Variants in SLIT3 observed in about 807,000 individuals in gnomAD.
SLIT3 encodes slit guidance ligand 3, also known as slit homolog 3 protein.
Under a neutral mutation model 184.0 loss-of-function variants are expected in SLIT3, and 68 were observed. The ratio of observed to expected loss-of-function variants is 0.37; its 90% CI spans 0.30 to 0.45. The LOEUF is 0.45. Among genes scored for constraint, SLIT3 ranks in the 20% least tolerant of loss-of-function variants. SLIT3 has a pLI of 1.00. For missense variants in SLIT3, 1,707 were observed against 2,026.0 expected, an observed-to-expected ratio of 0.84 and a Z score of 3.02; for synonymous variants, 831 against 828.6, an observed-to-expected ratio of 1.00 and a Z score of -0.05.
intron 4 of SLIT3, among the ~76,000 whole-genome samples, chr5:169,022,495 C>A (rs544140246): frequency 2.0e-5 from 3 of 152,176 alleles, no homozygotes; most frequent in Non-Finnish European, 4.4e-5. Context: ...GAAACTGTTA[C>A]AAACAATAAA....
At chr5:168,845,566 A>G (rs1758430085) in intron 5 of SLIT3, among the ~76,000 whole-genome samples, 2 of 152,156 alleles carry the variant, frequency 1.3e-5, no homozygotes, top group Admixed American at 1.3e-4. Flanking sequence ...CTTGACTAAT[A>G]TACATTCTAG....
At chr5:168,728,936 C>CA (rs532015839) in intron 20 of SLIT3, among the ~76,000 whole-genome samples, 28,803 of 140,278 alleles carry the variant, frequency 0.21, 2,918 homozygotes, top group Non-Finnish European at 0.23. Flanking sequence ...ACCAAAGAAA[C>CA]AAAAAAAAAA....
chr5:168,749,338 G>A (rs1195345835), intron 19 of SLIT3, 134 bp downstream of exon 19: 14 of 981,416 alleles, frequency 1.4e-5, no homozygotes, highest in Middle Eastern at 3.2e-4. Context: ...GATCTGCAGA[G>A]CTCTCCAGAG....
chr5:169,154,072 A>G (rs1283183058), intron 4 of SLIT3, among the ~76,000 whole-genome samples: 1 of 150,280 alleles, frequency 6.7e-6, no homozygotes, highest in Non-Finnish European at 1.5e-5. Flanking sequence ...TCCTGGGTTC[A>G]CGCCATTCTC....
At chr5:169,064,252 GAACA>G (rs980863050) in intron 4 of SLIT3, among the ~76,000 whole-genome samples, 7 of 152,200 alleles carry the variant, frequency 4.6e-5, no homozygotes, top group Admixed American at 2.0e-4. Flanking sequence ...GCAAGGGACA[GAACA>G]AACATTCTTT....
At chr5:168,800,048 T>G (rs1196347236) in intron 9 of SLIT3, among the ~76,000 whole-genome samples, 2 of 152,156 alleles carry the variant, frequency 1.3e-5, no homozygotes, top group Non-Finnish European at 2.9e-5. Flanking sequence ...GAACTCTTGT[T>G]AGGATGTCCA....
At chr5:168,919,108 A>G (rs1761540909) in intron 4 of SLIT3, among the ~76,000 whole-genome samples, 1 of 152,026 alleles carries the variant, frequency 6.6e-6, no homozygotes, top group African/African-American at 2.4e-5. Context: ...AAAGTACAAA[A>G]AACTAGCCAA....
chr5:168,829,131 C>T (rs1490672232), intron 6 of SLIT3, among the ~76,000 whole-genome samples: 1 of 152,168 alleles, frequency 6.6e-6, no homozygotes, highest in Non-Finnish European at 1.5e-5. Flanking sequence ...GGAGACACGT[C>T]CAGCTGCAGC....
At chr5:168,711,871 G>A (rs748873866) in intron 24 of SLIT3, among the ~76,000 whole-genome samples, 1 of 152,156 alleles carries the variant, frequency 6.6e-6, no homozygotes, top group African/African-American at 2.4e-5. Flanking sequence ...AGTGCAAAGT[G>A]GTTAAGAATA....
intron 4 of SLIT3, among the ~76,000 whole-genome samples, chr5:169,044,052 G>T (rs1757538157): frequency 6.6e-6 from 1 of 152,152 alleles, no homozygotes; most frequent in South Asian, 2.1e-4. Context: ...GTAGATAAAG[G>T]CTAAAGTGGC....
chr5:168,822,660 C>A (rs754939921), intron 7 of SLIT3, among the ~76,000 whole-genome samples: 7 of 152,152 alleles, frequency 4.6e-5, no homozygotes, highest in African/African-American at 1.2e-4. Flanking sequence ...CCTGAGTATG[C>A]ACCCTGGAAA....
chr5:169,130,174 T>C (rs1581439332), intron 4 of SLIT3, among the ~76,000 whole-genome samples: 2 of 152,170 alleles, frequency 1.3e-5, no homozygotes, highest in Non-Finnish European at 2.9e-5. Context: ...AAATGTACCA[T>C]AGTAATGTAA....
At chr5:168,804,948 G>A (rs12520756) in intron 9 of SLIT3, among the ~76,000 whole-genome samples, 3 of 152,078 alleles carry the variant, frequency 2.0e-5, no homozygotes, top group African/African-American at 4.8e-5. Flanking sequence ...CCACTCCAGC[G>A]TCAGGGCCTT....
chr5:168,705,492 C>T (rs1386826019), intron 26 of SLIT3, among the ~76,000 whole-genome samples: 2 of 152,130 alleles, frequency 1.3e-5, no homozygotes, highest in Non-Finnish European at 2.9e-5. Flanking sequence ...TCATCAACAC[C>T]ATCACCATTG....
At chr5:169,222,220 C>A (rs1764638850) in intron 3 of SLIT3, among the ~76,000 whole-genome samples, 1 of 152,142 alleles carries the variant, frequency 6.6e-6, no homozygotes, top group South Asian at 2.1e-4. Flanking sequence ...ATTCCTGTTT[C>A]ATTTTTACTT....
At chr5:168,958,921 T>A (rs1322809635) in intron 4 of SLIT3, among the ~76,000 whole-genome samples, 1 of 152,272 alleles carries the variant, frequency 6.6e-6, no homozygotes, top group East Asian at 1.9e-4. Flanking sequence ...GTACCCCTTT[T>A]ACTTCCACCT....
chr5:169,290,954 A>G (rs1053565556), intron 1 of SLIT3, among the ~76,000 whole-genome samples: 1 of 152,152 alleles, frequency 6.6e-6, no homozygotes, highest in African/African-American at 2.4e-5. Flanking sequence ...AGAGGTAGAA[A>G]AACCCAAGAG....
chr5:168,729,917 G>T (rs138283080), intron 20 of SLIT3, among the ~76,000 whole-genome samples: 2 of 152,102 alleles, frequency 1.3e-5, no homozygotes, highest in Admixed American at 6.5e-5. Flanking sequence ...CCATCTTAAA[G>T]ATACAGATTG....
intron 4 of SLIT3, among the ~76,000 whole-genome samples, chr5:169,011,719 C>G (rs1756161892): frequency 6.6e-6 from 1 of 152,188 alleles, no homozygotes; most frequent in South Asian, 2.1e-4. Flanking sequence ...AGGGAAAACA[C>G]TCAACCACAC....
Sources: allele counts gnomAD v4.1 joint callset (sites outside exome capture counted in the v4.1 genomes callset), GRCh38; gene constraint gnomAD v4.1.1; transcripts MANE v1.5; gene names NCBI Gene and HGNC (gene_info 2026-07-23, HGNC 2026-07-21).